Variants in TSHZ2 observed in about 807,000 individuals in gnomAD.
The protein encoded by TSHZ2 is teashirt zinc finger homeobox 2, also known as teashirt homolog 2.
TSHZ2 carries 21 observed loss-of-function variants against 74.4 expected under a neutral mutation model. That is an observed-to-expected ratio of 0.28 (90% CI 0.20 to 0.41). The LOEUF (loss-of-function observed/expected upper bound fraction) is 0.41. TSHZ2 is among the 10% of genes least tolerant of loss of function. The probability of loss-of-function intolerance (pLI) is 1.00; values close to 1 mark genes in which losing one functional copy is unlikely to be tolerated. For synonymous variants in TSHZ2, 540 were observed against 515.3 expected, an observed-to-expected ratio of 1.05 and a Z score of -0.65; for missense variants, 1,244 against 1,293.5, an observed-to-expected ratio of 0.96 and a Z score of 0.59.
intron 1 of TSHZ2, among the ~76,000 whole-genome samples, chr20:53,100,079 G>A (rs1387483242): frequency 6.6e-6 from 1 of 152,114 alleles, no homozygotes; most frequent in Non-Finnish European, 1.5e-5. Context: ...TGATTCAGTG[G>A]CTAAGATTTG....
At chr20:53,185,282 C>A in intron 1 of TSHZ2, 1 of 1,022,494 alleles carries the variant, frequency 9.8e-7, no homozygotes, top group South Asian at 4.1e-5. Context: ...TCAAATTGGA[C>A]ATTTATTTTT....
At chr20:53,050,111 A>ATATATACACATACATATATATATGTG (rs1555819300) in intron 1 of TSHZ2, among the ~76,000 whole-genome samples, 41 of 97,584 alleles carry the variant, frequency 4.2e-4, no homozygotes, top group Middle Eastern at 4.0e-3. Context: ...GTGTATATAT[A>ATATATACACATACATATATATATGTG]TATATATATA....
chr20:53,164,596 G>A (rs996672547), intron 1 of TSHZ2, among the ~76,000 whole-genome samples: 1 of 152,160 alleles, frequency 6.6e-6, no homozygotes, highest in African/African-American at 2.4e-5. Context: ...GGCCCTGTTA[G>A]CTAGTGCAAC....
At chr20:53,106,816 G>C (rs931176099) in intron 1 of TSHZ2, among the ~76,000 whole-genome samples, 27 of 151,112 alleles carry the variant, frequency 1.8e-4, no homozygotes, top group African/African-American at 6.1e-4. Flanking sequence ...TCCAGCCTCA[G>C]CCTCCCAAGT....
intron 1 of TSHZ2, among the ~76,000 whole-genome samples, chr20:53,225,911 A>G (rs1287422527): frequency 6.6e-6 from 1 of 152,230 alleles, no homozygotes; most frequent in Non-Finnish European, 1.5e-5. Flanking sequence ...TTATTTGGAA[A>G]ATAAGTGAAA....
chr20:53,324,017 T>C (rs1312627274), intron 2 of TSHZ2, among the ~76,000 whole-genome samples: 1 of 152,156 alleles, frequency 6.6e-6, no homozygotes, highest in Non-Finnish European at 1.5e-5. Flanking sequence ...GGACGCCCTG[T>C]TCATCTGTAC....
intron 1 of TSHZ2, among the ~76,000 whole-genome samples, chr20:53,066,628 C>T (rs1267763686): frequency 6.6e-6 from 1 of 152,156 alleles, no homozygotes; most frequent in African/African-American, 2.4e-5. Flanking sequence ...CCGCCTCAGC[C>T]TCCTGAGTAG....
intron 1 of TSHZ2, among the ~76,000 whole-genome samples, chr20:53,103,059 G>A (rs1036700012): frequency 1.2e-4 from 19 of 152,180 alleles, no homozygotes; most frequent in African/African-American, 3.6e-4. Flanking sequence ...ACATATGAGC[G>A]CACGTGTACT....
chr20:53,011,716 A>G (rs1384185505), intron 1 of TSHZ2, among the ~76,000 whole-genome samples: 1 of 152,204 alleles, frequency 6.6e-6, no homozygotes, highest in Admixed American at 6.5e-5. Flanking sequence ...TTGCTTTTAT[A>G]TAAGAGGAAA....
At chr20:53,463,390 G>GGAAT (rs1985445888) in intron 2 of TSHZ2, among the ~76,000 whole-genome samples, 1 of 84,130 alleles carries the variant, frequency 1.2e-5, no homozygotes, top group African/African-American at 5.5e-5. Flanking sequence ...GAGGAAGGAA[G>GGAAT]GAAGGAAGGA....
chr20:53,086,876 G>A (rs1449040282), intron 1 of TSHZ2, among the ~76,000 whole-genome samples: 1 of 152,164 alleles, frequency 6.6e-6, no homozygotes, highest in African/African-American at 2.4e-5. Context: ...TTCAGGTAAG[G>A]GAGAAGGAAA....
Position 53,254,154 on chromosome 20 carries a change from G to C in TSHZ2, c.696G>C (p.Val232=), listed in dbSNP as rs1328142203. The change falls in exon 2 of 3, where the codon GTG becomes GTC. Residue 232 remains valine, a synonymous_variant. Coordinates refer to ENST00000371497, the MANE Select transcript of TSHZ2 (RefSeq NM_173485.6). ...AAYDTLVELT[V]HMNETGHYQD... ...ATGACACCCTAGTCGAGCTGACTGT[G>C]CACATGAATGAAACGGGCCACTATC... 6.2e-7 allele frequency: 1 copy of C among 1,614,098 alleles called. No individual in the cohort carries two copies. Among genetic ancestry groups the C allele is most frequent in the Non-Finnish European group, 8.5e-7 (1 of 1,180,034 alleles).
intron 1 of TSHZ2, among the ~76,000 whole-genome samples, chr20:53,227,228 A>C (rs1437350338): frequency 6.6e-6 from 1 of 151,984 alleles, no homozygotes; most frequent in Non-Finnish European, 1.5e-5. Context: ...AAATACTTCA[A>C]AGTTATTTTT....
chr20:53,279,699 T>C (rs1415983711), intron 2 of TSHZ2, among the ~76,000 whole-genome samples: 1 of 152,236 alleles, frequency 6.6e-6, no homozygotes, highest in Non-Finnish European at 1.5e-5. Flanking sequence ...TCACAGATCT[T>C]ACATTCTTGT....
chr20:53,274,982 G>T (rs1441136990), intron 2 of TSHZ2, among the ~76,000 whole-genome samples: 1 of 152,080 alleles, frequency 6.6e-6, no homozygotes, highest in Non-Finnish European at 1.5e-5. Context: ...GGTCTGTTTG[G>T]CCCCTGCTGG....
At chr20:53,097,750 T>G (rs1986095256) in intron 1 of TSHZ2, 1 of 155,274 alleles carries the variant, frequency 6.4e-6, no homozygotes, top group African/African-American at 2.4e-5. Flanking sequence ...CCTTCCTCCT[T>G]CACCACTCCA....
chr20:53,355,497 G>A (rs565303476), intron 2 of TSHZ2, among the ~76,000 whole-genome samples: 1 of 152,262 alleles, frequency 6.6e-6, no homozygotes, highest in African/African-American at 2.4e-5. Flanking sequence ...CTAAGTGAAA[G>A]AATCCAGACA....
At chr20:53,348,358 G>A (rs1009412232) in intron 2 of TSHZ2, among the ~76,000 whole-genome samples, 2 of 152,168 alleles carry the variant, frequency 1.3e-5, no homozygotes, top group East Asian at 3.8e-4. Context: ...TCTTTTCATC[G>A]TTACATCCTC....
chr20:53,272,847 G>A (rs949530399), intron 2 of TSHZ2, among the ~76,000 whole-genome samples: 2 of 152,220 alleles, frequency 1.3e-5, no homozygotes, highest in African/African-American at 4.8e-5. Context: ...AGAAACAGGG[G>A]ATGCAGGTTG....
Sources: allele counts gnomAD v4.1 joint callset (sites outside exome capture counted in the v4.1 genomes callset), GRCh38; gene constraint gnomAD v4.1.1; transcripts MANE v1.5; gene names NCBI Gene and HGNC (gene_info 2026-07-23, HGNC 2026-07-21).